The following PPP2R2B variants were observed in gnomAD, a reference collection of about 807,000 sequenced individuals.
The protein encoded by PPP2R2B is serine/threonine-protein phosphatase 2A 55 kDa regulatory subunit B beta isoform.
Under a neutral mutation model 46.0 loss-of-function variants are expected in PPP2R2B, and 5 were observed. That is an observed-to-expected ratio of 0.11 (90% CI 0.06 to 0.23). The LOEUF (loss-of-function observed/expected upper bound fraction) is 0.23, where lower values mean the gene tolerates loss of function less well. PPP2R2B is among the 10% of genes least tolerant of loss of function. PPP2R2B has a pLI of 1.00. For synonymous variants in PPP2R2B, 215 were observed against 206.7 expected (o/e 1.04, Z -0.34); for missense variants, 367 against 575.0 (o/e 0.64, Z 3.70).
intron 2 of PPP2R2B, among the ~76,000 whole-genome samples, chr5:146,753,986 GT>G (rs1204258380): frequency 6.6e-6 from 1 of 152,010 alleles, no homozygotes; most frequent in Non-Finnish European, 1.5e-5. Context: ...TAGGAAAGAG[GT>G]TGCAATTATG....
At chr5:146,710,644 T>C (rs771277374) in intron 2 of PPP2R2B, among the ~76,000 whole-genome samples, 6 of 152,218 alleles carry the variant, frequency 3.9e-5, no homozygotes, top group Non-Finnish European at 4.4e-5. Context: ...TTACCATCTG[T>C]CACCCAATTT....
Position 146,738,374 on chromosome 5 carries a change from C to T in PPP2R2B, c.71-37232G>A, listed in dbSNP as rs190242499. Among the ~76,000 whole-genome samples the T allele has an allele frequency of 1.0e-2, 1,258 of 125,956 alleles. 25 individuals are homozygous for T. The highest frequency in any genetic ancestry group is 0.038 in the African/African-American group (1,199 of 31,738). 82.6% of individuals were successfully genotyped at this position (125,956 alleles called of 152,430 possible). The stretch of plus-strand genomic sequence containing the variant: ...TCATGCCACTGCACTCCAGCCTGGG[C>T]GACAAAGTGAGACTCAGTCTCAAAA... On this transcript the variant is annotated intron_variant, in intron 2 of 9. Coordinates refer to ENST00000394411, the MANE Select transcript of PPP2R2B (RefSeq NM_181675.4).
At chr5:146,866,946 G>T (rs1761347430) in intron 2 of PPP2R2B, among the ~76,000 whole-genome samples, 1 of 152,132 alleles carries the variant, frequency 6.6e-6, no homozygotes, top group South Asian at 2.1e-4. Flanking sequence ...ACTAATCTCT[G>T]GTACATAGGC....
intron 1 of PPP2R2B, among the ~76,000 whole-genome samples, chr5:146,968,016 T>A (rs1752508112): frequency 6.6e-6 from 1 of 152,146 alleles, no homozygotes; most frequent in Non-Finnish European, 1.5e-5. Context: ...CAAGGCCCCA[T>A]GAATCTAGAA....
intron 2 of PPP2R2B, among the ~76,000 whole-genome samples, chr5:147,068,288 G>T (rs1757472283): frequency 6.6e-6 from 1 of 152,144 alleles, no homozygotes; most frequent in African/African-American, 2.4e-5. Context: ...TTACAGAGGA[G>T]TAAAGTGAAG....
At chr5:146,951,195 T>C (rs187974872) in intron 1 of PPP2R2B, among the ~76,000 whole-genome samples, 137 of 152,082 alleles carry the variant, frequency 9.0e-4, no homozygotes, top group Non-Finnish European at 1.5e-3. Context: ...TTTTTTAATA[T>C]CAGCTTTATT....
At chr5:146,753,866 C>T (rs1554132799) in intron 2 of PPP2R2B, among the ~76,000 whole-genome samples, 1 of 151,996 alleles carries the variant, frequency 6.6e-6, no homozygotes, top group Non-Finnish European at 1.5e-5. Flanking sequence ...CCTGAATCTC[C>T]AGGGGCAACT....
At chr5:146,802,464 C>G (rs968934540) in intron 2 of PPP2R2B, among the ~76,000 whole-genome samples, 1 of 152,186 alleles carries the variant, frequency 6.6e-6, no homozygotes, top group African/African-American at 2.4e-5. Flanking sequence ...GCTCCTGAAG[C>G]ATCATCTCAT....
chr5:146,829,896 GT>G (rs1433442057), intron 2 of PPP2R2B, among the ~76,000 whole-genome samples: 1 of 152,110 alleles, frequency 6.6e-6, no homozygotes, highest in Non-Finnish European at 1.5e-5. Flanking sequence ...CACACTCATT[GT>G]GTTTCATGTT....
At chr5:146,692,777 G>A (rs905808085) in intron 4 of PPP2R2B, among the ~76,000 whole-genome samples, 8 of 151,814 alleles carry the variant, frequency 5.3e-5, no homozygotes, top group Admixed American at 3.9e-4. Context: ...CTCTTGATCC[G>A]CCTGCCTCGG....
At chr5:147,019,628 A>G (rs1300842054) in intron 1 of PPP2R2B, among the ~76,000 whole-genome samples, 1 of 152,106 alleles carries the variant, frequency 6.6e-6, no homozygotes, top group African/African-American at 2.4e-5. Flanking sequence ...ATTACTTTGA[A>G]AGAGGATATG....
chr5:146,638,207 G>A, intron 7 of PPP2R2B, 44 bp downstream of exon 7: 1 of 1,584,862 alleles, frequency 6.3e-7, no homozygotes, highest in Non-Finnish European at 8.6e-7. Flanking sequence ...CAGCACATTG[G>A]GGCCAGTGGC....
intron 1 of PPP2R2B, among the ~76,000 whole-genome samples, chr5:146,896,969 A>T (rs547178324): frequency 1.3e-5 from 2 of 152,258 alleles, no homozygotes; most frequent in African/African-American, 4.8e-5. Flanking sequence ...TTGATTTAGA[A>T]CAAGCAGAAA....
intron 2 of PPP2R2B, among the ~76,000 whole-genome samples, chr5:146,842,235 A>C (rs1759694558): frequency 6.6e-6 from 1 of 152,194 alleles, no homozygotes; most frequent in African/African-American, 2.4e-5. Flanking sequence ...GGGAATTCAT[A>C]GTCCAAAATT....
chr5:146,992,406 T>C, intron 1 of PPP2R2B, among the ~76,000 whole-genome samples: 1 of 152,242 alleles, frequency 6.6e-6, no homozygotes, highest in Non-Finnish European at 1.5e-5. Flanking sequence ...GCTTCTGTAA[T>C]ACCTGATGCA....
At chr5:146,807,503 GT>G (rs1412435622) in intron 2 of PPP2R2B, among the ~76,000 whole-genome samples, 1 of 152,134 alleles carries the variant, frequency 6.6e-6, no homozygotes, top group African/African-American at 2.4e-5. Flanking sequence ...TAATGTCAAA[GT>G]TGCTAAGATA....
At chr5:146,673,483 ATT>A (rs10707394) in intron 5 of PPP2R2B, among the ~76,000 whole-genome samples, 1 of 151,624 alleles carries the variant, frequency 6.6e-6, no homozygotes, top group African/African-American at 2.4e-5. Context: ...TATTTAGAAG[ATT>A]TTTTTTTTAT....
chr5:146,763,492 C>A (rs1383230378), intron 2 of PPP2R2B, among the ~76,000 whole-genome samples: 1 of 152,150 alleles, frequency 6.6e-6, no homozygotes, highest in Non-Finnish European at 1.5e-5. Flanking sequence ...GTGACATACC[C>A]AACACACGAA....
At chr5:146,830,261 A>C (rs1758845194) in intron 2 of PPP2R2B, among the ~76,000 whole-genome samples, 1 of 152,178 alleles carries the variant, frequency 6.6e-6, no homozygotes, top group Admixed American at 6.5e-5. Flanking sequence ...ATGCCATAGG[A>C]ATGTGATAAG....
Sources: allele counts gnomAD v4.1 joint callset (sites outside exome capture counted in the v4.1 genomes callset), GRCh38; gene constraint gnomAD v4.1.1; transcripts MANE v1.5; gene names NCBI Gene and HGNC (gene_info 2026-07-23, HGNC 2026-07-21).